The following NPAS3 variants were observed in gnomAD, a reference collection of about 807,000 sequenced individuals.
NPAS3 encodes neuronal PAS domain-containing protein 3.
NPAS3 carries 14 observed loss-of-function variants against 73.1 expected under a neutral mutation model. The ratio of observed to expected loss-of-function variants is 0.19; its 90% CI spans 0.13 to 0.30. The LOEUF is 0.30. Ranked by LOEUF, NPAS3 falls within the 10% of genes least tolerant of loss-of-function variation. The pLI is 1.00. For missense variants in NPAS3, 1,096 were observed against 1,250.0 expected, an observed-to-expected ratio of 0.88 and a Z score of 1.86; for synonymous variants, 620 against 541.5, an observed-to-expected ratio of 1.14 and a Z score of -2.01.
At chr14:33,642,994 A>G (rs891617502) in intron 5 of NPAS3, among the ~76,000 whole-genome samples, 4 of 152,194 alleles carry the variant, frequency 2.6e-5, no homozygotes, top group African/African-American at 9.7e-5. Flanking sequence ...GCTTTTATCT[A>G]TAAGCCTTGT....
intron 8 of NPAS3, among the ~76,000 whole-genome samples, chr14:33,775,332 G>A (rs1171726132): frequency 2.0e-5 from 3 of 152,226 alleles, no homozygotes; most frequent in East Asian, 1.9e-4. Context: ...ATCCTTCCCC[G>A]GGTGCCACAG....
At chr14:33,721,838 C>T (rs61973010) in intron 6 of NPAS3, among the ~76,000 whole-genome samples, 47,491 of 151,946 alleles carry the variant, frequency 0.31, 9,596 homozygotes, top group Non-Finnish European at 0.46. Flanking sequence ...TTGAAAAATA[C>T]GGAGAACTTT....
chr14:32,959,381 A>G (rs1267228841), intron 1 of NPAS3, among the ~76,000 whole-genome samples: 1 of 152,216 alleles, frequency 6.6e-6, no homozygotes, highest in African/African-American at 2.4e-5. Flanking sequence ...GTGTGTTCAC[A>G]CTTCAACTGT....
chr14:33,424,570 A>C (rs2048479547), intron 4 of NPAS3, among the ~76,000 whole-genome samples: 3 of 152,016 alleles, frequency 2.0e-5, no homozygotes, highest in African/African-American at 7.2e-5. Flanking sequence ...GAGGAGAAGG[A>C]ATGAACTTAG....
chr14:33,016,578 A>G (rs2039401784), intron 1 of NPAS3, among the ~76,000 whole-genome samples: 1 of 150,968 alleles, frequency 6.6e-6, no homozygotes, highest in Non-Finnish European at 1.5e-5. Flanking sequence ...GAACCATGAA[A>G]AAAGATTTAA....
At chr14:32,963,324 G>A (rs1479820471) in intron 1 of NPAS3, among the ~76,000 whole-genome samples, 1 of 152,098 alleles carries the variant, frequency 6.6e-6, no homozygotes, top group African/African-American at 2.4e-5. Context: ...AGAAACAGCA[G>A]ATAAGGACAT....
intron 4 of NPAS3, among the ~76,000 whole-genome samples, chr14:33,554,109 C>A (rs1282251067): frequency 6.6e-6 from 1 of 152,246 alleles, no homozygotes; most frequent in Non-Finnish European, 1.5e-5. Context: ...AGCCAGGCTT[C>A]TCATATGGCT....
At chr14:33,165,287 C>T (rs2045085227) in intron 2 of NPAS3, among the ~76,000 whole-genome samples, 1 of 151,268 alleles carries the variant, frequency 6.6e-6, no homozygotes, top group South Asian at 2.1e-4. Context: ...TAAAGTCTCT[C>T]TGGTTGGACT....
Position 33,800,851 on chromosome 14 carries a change from G to A in NPAS3, c.2544G>A (p.Ala848=), listed in dbSNP as rs1172676682. The A allele has an allele frequency of 6.9e-6, 11 of 1,604,280 alleles. No homozygotes were observed. Among genetic ancestry groups the A allele is most frequent in the Admixed American group, 3.4e-5 (2 of 59,044 alleles). ...TGCAGAGCAACCTGCTGCCCAACGC[G>A]CACGCTGTTAACTTCGTGGACGTTA... The change falls in exon 12 of 12, where the codon GCG becomes GCA. Residue 848 remains alanine (A), a synonymous_variant. Coordinates refer to ENST00000356141, the Ensembl canonical transcript of NPAS3. The surrounding 1 kb of genome is among the most constrained non-coding windows in gnomAD (Gnocchi z 6.5).
chr14:33,027,036 C>T (rs1173135414), intron 1 of NPAS3, among the ~76,000 whole-genome samples: 1 of 152,160 alleles, frequency 6.6e-6, no homozygotes, highest in East Asian at 1.9e-4. Context: ...TCATGCCCTT[C>T]CTTCCTGCCT....
chr14:33,211,994 A>G lies in NPAS3; in HGVS notation c.141-3188A>G, dbSNP rs563683132. On this transcript the variant is annotated intron_variant, in intron 2 of 11. Transcript: ENST00000356141. ...TACTCATGTACAACTAATCTATTCTATCTTTAGTACTCTAGACATACAACC... is the reference window on the plus strand; with the variant it reads ...TACTCATGTACAACTAATCTATTCTGTCTTTAGTACTCTAGACATACAACC... Among the ~76,000 whole-genome samples the G allele has an allele frequency of 1.4e-3, 208 of 152,342 alleles. 1 individual carries two copies. Among genetic ancestry groups the G allele is most frequent in the Middle Eastern group, 3.4e-3 (1 of 294 alleles).
chr14:32,950,838 G>T (rs1005916191), intron 1 of NPAS3, among the ~76,000 whole-genome samples: 2 of 152,120 alleles, frequency 1.3e-5, no homozygotes, highest in African/African-American at 4.8e-5. Context: ...TAACATTGCT[G>T]AATCAGGATT....
intron 4 of NPAS3, among the ~76,000 whole-genome samples, chr14:33,449,675 G>T (rs1019940046): frequency 1.3e-5 from 2 of 151,730 alleles, no homozygotes; most frequent in Non-Finnish European, 2.9e-5. Context: ...GAATTTAAAT[G>T]GCTAAAAAAT....
At chr14:33,665,232 G>A (rs530078297) in intron 5 of NPAS3, among the ~76,000 whole-genome samples, 272 of 152,210 alleles carry the variant, frequency 1.8e-3, no homozygotes, top group African/African-American at 6.4e-3. Context: ...ACTCATAAGT[G>A]GGAATTGAAC....
At chr14:33,254,472 C>T (rs779019033) in intron 3 of NPAS3, among the ~76,000 whole-genome samples, 20 of 152,066 alleles carry the variant, frequency 1.3e-4, no homozygotes, top group Non-Finnish European at 2.5e-4. Flanking sequence ...TTGTACTCTC[C>T]TATCAGCCTG....
At chr14:33,426,904 G>C (rs2053575059) in intron 4 of NPAS3, among the ~76,000 whole-genome samples, 1 of 152,064 alleles carries the variant, frequency 6.6e-6, no homozygotes, top group Non-Finnish European at 1.5e-5. Context: ...CCCCTCAATT[G>C]TAGGACTTTA....
intron 2 of NPAS3, among the ~76,000 whole-genome samples, chr14:33,072,556 C>T (rs1474431413): frequency 6.6e-6 from 1 of 152,192 alleles, no homozygotes; most frequent in African/African-American, 2.4e-5. Flanking sequence ...CCCTAGGGAA[C>T]CCAGGATCTA....
chr14:32,996,391 C>T (rs1042487585), intron 1 of NPAS3, among the ~76,000 whole-genome samples: 3 of 152,152 alleles, frequency 2.0e-5, no homozygotes, highest in African/African-American at 7.2e-5. Context: ...GCATAAATAA[C>T]GAGGAACAAA....
At chr14:33,085,296 T>A (rs1362214823) in intron 2 of NPAS3, among the ~76,000 whole-genome samples, 1 of 152,226 alleles carries the variant, frequency 6.6e-6, no homozygotes, top group Non-Finnish European at 1.5e-5. Flanking sequence ...CCACTTCACC[T>A]GTTTGGTTTA....
Sources: gnomAD v4.1 joint callset for allele counts (sites outside exome capture counted in the v4.1 genomes callset) on GRCh38, gnomAD v4.1.1 for gene constraint, Gnocchi (gnomAD v3.1) non-coding constraint, MANE v1.5 for transcripts, NCBI Gene and HGNC (gene_info 2026-07-23, HGNC 2026-07-21) for gene names.